Variants in CHST15 observed in about 807,000 individuals in gnomAD.
CHST15 encodes carbohydrate sulfotransferase 15, also known as B cell RAG associated protein (GALNAC4S-6ST).
Under a neutral mutation model 53.6 loss-of-function variants are expected in CHST15, and 30 were observed. The observed-to-expected ratio is 0.56, with a 90% confidence interval of 0.42 to 0.76. The LOEUF (loss-of-function observed/expected upper bound fraction) is 0.76, where lower values mean the gene tolerates loss of function less well. Ranked by LOEUF, CHST15 falls within the 30% of genes least tolerant of loss-of-function variation. The pLI is 0.00. For synonymous variants in CHST15, 296 were observed against 289.8 expected, an observed-to-expected ratio of 1.02 and a Z score of -0.22; for missense variants, 627 against 740.5, an observed-to-expected ratio of 0.85 and a Z score of 1.78.
At chr10:124,091,301 G>A (rs1335931371) in intron 1 of CHST15, among the ~76,000 whole-genome samples, 1 of 152,198 alleles carries the variant, frequency 6.6e-6, no homozygotes, top group Non-Finnish European at 1.5e-5. Context: ...CCATGTTCTG[G>A]AAGGGAGGGT....
chr10:124,064,658 C>T (rs563949106), intron 1 of CHST15, among the ~76,000 whole-genome samples: 7 of 152,044 alleles, frequency 4.6e-5, no homozygotes, highest in South Asian at 2.1e-4. Context: ...CCCCCAACCC[C>T]ACCCCCGAGC....
At chr10:124,081,963 G>A (rs981502296) in intron 1 of CHST15, among the ~76,000 whole-genome samples, 8 of 152,106 alleles carry the variant, frequency 5.3e-5, no homozygotes, top group South Asian at 2.1e-4. Flanking sequence ...ATTATTCCCC[G>A]GATAAGCAGC....
chr10:124,038,726 G>A (rs1947619902), intron 4 of CHST15, 55 bp from the exon 5 acceptor site: 1 of 1,582,128 alleles, frequency 6.3e-7, no homozygotes, highest in Middle Eastern at 1.9e-4. Flanking sequence ...CTCCCACGGA[G>A]TGGCTCTAGG....
intron 5 of CHST15, among the ~76,000 whole-genome samples, chr10:124,022,613 A>C (rs1367170291): frequency 6.6e-6 from 1 of 151,606 alleles, no homozygotes; most frequent in Non-Finnish European, 1.5e-5. Flanking sequence ...AGAATCCCCC[A>C]CCCTTGGTTA....
At chr10:124,011,403 G>A (rs1188386476) in intron 7 of CHST15, 1 of 985,152 alleles carries the variant, frequency 1.0e-6, no homozygotes, top group Non-Finnish European at 1.2e-6. Flanking sequence ...GGAAGGGAAA[G>A]AACTCATCAA....
intron 7 of CHST15, 85 bp from the exon 8 acceptor site, chr10:124,010,424 G>A (rs1164543179): frequency 1.4e-6 from 2 of 1,447,986 alleles, no homozygotes; most frequent in East Asian, 5.0e-5. Flanking sequence ...GCTATGCTTC[G>A]TATTCAGACA....
At position 124,074,705 on chromosome 10, in the gene CHST15, C is replaced by T. The variant is rs1259332352; in HGVS notation, c.-513+18764G>A. ...GCAAACTTGCTCATAGACCACTTCC[C>T]GTTCCTGTCCCCAGCTCATCACAAC... On this transcript the variant is annotated intron_variant, in intron 1 of 7. Coordinates refer to ENST00000435907, the MANE Select transcript of CHST15 (RefSeq NM_001270764.2). This position sits in a 1 kb window ranked among gnomAD's most constrained non-coding sequence, Gnocchi z 4.4. Among the ~76,000 whole-genome samples the T allele has an allele frequency of 6.6e-6, 1 of 152,168 alleles. No homozygotes were observed.
chr10:124,049,220 G>A (rs1948106763), intron 1 of CHST15, among the ~76,000 whole-genome samples: 1 of 152,258 alleles, frequency 6.6e-6, no homozygotes, highest in Non-Finnish European at 1.5e-5. Flanking sequence ...GATGAGGGAT[G>A]TGATGTGGAA....
chr10:124,038,250 G>GCAC (rs1464151966), intron 5 of CHST15, among the ~76,000 whole-genome samples: 3 of 151,994 alleles, frequency 2.0e-5, no homozygotes, highest in Non-Finnish European at 4.4e-5. Flanking sequence ...GGGACTATAG[G>GCAC]AGTGTGCCAC....
In CHST15 at chr10:124,042,367, G is replaced by C. The variant is rs369626951; in HGVS notation, c.967C>G (p.Gln323Glu). ...YLDLFDLAAH[Q>E]IHQGLQASSA... is the part of the protein sequence containing the mutation. ...CTGGCCTGCAGTCCTTGATGGATCTGGTGTGCGGCCAGGTCAAAGAGGTCC... is the reference window on the plus strand; with the variant it reads ...CTGGCCTGCAGTCCTTGATGGATCTCGTGTGCGGCCAGGTCAAAGAGGTCC... The change falls in exon 4 of 8, where the codon CAG becomes GAG. Residue 323 changes from glutamine to glutamate, a missense_variant. Physicochemically the swap from Gln to Glu is conservative, Grantham distance 29 (BLOSUM62 2). Around this residue, in one of 3 missense-constraint regions of CHST15, gnomAD observed 279 missense variants for 371.6 expected, o/e 0.75. Transcript: ENST00000435907. 6.2e-7 allele frequency: 1 copy of C among 1,614,088 alleles called. No individual in the cohort carries two copies. The highest frequency in any genetic ancestry group is 1.7e-5 in the Admixed American group (1 of 60,008).
At chr10:124,089,026 T>G (rs1307539601) in intron 1 of CHST15, among the ~76,000 whole-genome samples, 6 of 152,184 alleles carry the variant, frequency 3.9e-5, no homozygotes, top group Non-Finnish European at 8.8e-5. Context: ...TGCAGGCCAA[T>G]GAAGAAATGC....
In CHST15 at chr10:124,019,835, C is replaced by T; in HGVS notation, c.1347+1421G>A. 5 of 985,872 alleles carry T rather than the reference C, an allele frequency of 5.1e-6. No homozygotes were observed. The highest frequency in any genetic ancestry group is 6.0e-6 in the Non-Finnish European group (5 of 830,268). 61.1% of individuals were successfully genotyped at this position (985,872 alleles called of 1,614,324 possible). On this transcript the variant is annotated intron_variant, in intron 6 of 7. Transcript: ENST00000435907. This position sits in a 1 kb window ranked among gnomAD's most constrained non-coding sequence, Gnocchi z 4.6. Reference sequence around the variant, plus strand: ...GTGGTGCGGCCCCATGTGCCACGCACCCAAGCCCCCTGCCTCAGTGCCCCC... The same window carrying T: ...GTGGTGCGGCCCCATGTGCCACGCATCCAAGCCCCCTGCCTCAGTGCCCCC...
At chr10:124,063,148 C>T (rs1282061414) in intron 1 of CHST15, among the ~76,000 whole-genome samples, 1 of 152,036 alleles carries the variant, frequency 6.6e-6, no homozygotes, top group African/African-American at 2.4e-5. Flanking sequence ...TTTAGGAGGC[C>T]GAGGCGGGTG....
rs1193697163 is a variant in CHST15, at chr10:124,042,465, C to T, written c.887-18G>A. ...GACGATTCCTATGAGAACCAAGAAG[C>T]AGGAGATACTGAGGACAAAGTTGCT... On this transcript the variant is annotated intron_variant, in intron 3 of 7. Coordinates refer to ENST00000435907, the MANE Select transcript of CHST15 (RefSeq NM_001270764.2). The T allele has an allele frequency of 6.2e-7, 1 of 1,611,500 alleles. No homozygotes were observed. The highest frequency in any genetic ancestry group is 2.2e-5 in the East Asian group (1 of 44,818).
At chr10:124,092,779 G>A (rs938299668) in intron 1 of CHST15, among the ~76,000 whole-genome samples, 1 of 152,252 alleles carries the variant, frequency 6.6e-6, no homozygotes, top group Non-Finnish European at 1.5e-5. Context: ...GCAAGGCTGG[G>A]GGGAATCCCC....
At chr10:124,092,704 A>T (rs980619435) in intron 1 of CHST15, among the ~76,000 whole-genome samples, 1 of 151,936 alleles carries the variant, frequency 6.6e-6, no homozygotes, top group Non-Finnish European at 1.5e-5. Flanking sequence ...GCGGATGCCC[A>T]CTTACCTGCC....
Position 124,008,806 on chromosome 10 carries a change from T to A in CHST15, c.*1343A>T. 1 of 1,203,130 alleles carries A rather than the reference T, an allele frequency of 8.3e-7. No individual in the cohort carries two copies. Among genetic ancestry groups the A allele is most frequent in the East Asian group, 5.9e-5 (1 of 17,078 alleles). The allele number at this position is 1,203,130 out of a possible 1,614,324, so 74.5% of individuals were successfully genotyped here. ...GACAATACTTGAGTGCAAAGCTTCA[T>A]CCAGGTCCCACCTGGGCTGTTGCCA... is the stretch of plus-strand genomic sequence containing the variant. On this transcript the variant is annotated 3_prime_UTR_variant, in exon 8 of 8. Transcript: ENST00000435907.
intron 5 of CHST15, among the ~76,000 whole-genome samples, chr10:124,030,136 G>A (rs910677660): frequency 6.6e-6 from 1 of 152,110 alleles, no homozygotes; most frequent in Non-Finnish European, 1.5e-5. Context: ...AAGATGTGGC[G>A]CCTCACCAGG....
rs146087527 is a variant in CHST15 at position 124,045,690 on chromosome 10, C to A, written c.523G>T (p.Asp175Tyr). Residue 175 changes from aspartate (D) to tyrosine (Y), a missense_variant, in exon 2 of 8, where the codon GAC (aspartate) becomes TAC (tyrosine). By Grantham distance (160) the Asp-to-Tyr change is radical. Coordinates refer to ENST00000435907, the MANE Select transcript of CHST15 (RefSeq NM_001270764.2). Reference protein sequence around the residue: ...FTTRQLPDLEDLKKQELHMFS... With the variant: ...FTTRQLPDLEYLKKQELHMFS... Reference sequence around the variant, plus strand: ...ACATGCAACTCCTGCTTCTTAAGGTCTTCTAAGTCTGGGAGCTGTCTGGTC... The same window carrying A: ...ACATGCAACTCCTGCTTCTTAAGGTATTCTAAGTCTGGGAGCTGTCTGGTC... 2 of 1,606,106 alleles carry A rather than the reference C, an allele frequency of 1.2e-6. No homozygotes were observed. The highest frequency in any genetic ancestry group is 1.7e-6 in the Non-Finnish European group (2 of 1,175,482).
Sources: allele counts gnomAD v4.1 joint callset (sites outside exome capture counted in the v4.1 genomes callset), GRCh38; gene constraint gnomAD v4.1.1; regional missense constraint gnomAD v4.1.1; non-coding constraint Gnocchi (gnomAD v3.1); transcripts MANE v1.5; gene names NCBI Gene and HGNC (gene_info 2026-07-23, HGNC 2026-07-21).